The following PCDHA9 variants were observed in gnomAD, a reference collection of about 807,000 sequenced individuals.
PCDHA9 encodes the protein protocadherin alpha-9.
Under a neutral mutation model 62.0 loss-of-function variants are expected in PCDHA9, and 62 were observed. That is an observed-to-expected ratio of 1.00 (90% CI 0.81 to 1.23). The LOEUF (loss-of-function observed/expected upper bound fraction) is 1.23, where lower values mean the gene tolerates loss of function less well. Ranked by LOEUF, PCDHA9 falls within the 50% of genes most tolerant of loss-of-function variation. The pLI, the probability that PCDHA9 is intolerant of heterozygous loss-of-function variation, is 0.00. For synonymous variants in PCDHA9, 557 were observed against 567.6 expected, an observed-to-expected ratio of 0.98 and a Z score of 0.27; for missense variants, 1,205 against 1,249.8, an observed-to-expected ratio of 0.96 and a Z score of 0.54.
At chr5:141,008,426 C>T (rs2098375902) in intron 3 of PCDHA9, among the ~76,000 whole-genome samples, 1 of 152,170 alleles carries the variant, frequency 6.6e-6, no homozygotes, top group Non-Finnish European at 1.5e-5. Flanking sequence ...ACTGGGATCA[C>T]TTTGCCCAGA....
chr5:140,953,340 C>T (rs2094876353), intron 1 of PCDHA9, among the ~76,000 whole-genome samples: 1 of 152,066 alleles, frequency 6.6e-6, no homozygotes, highest in Non-Finnish European at 1.5e-5. Context: ...TAGGGCTCAC[C>T]TTCTTTTGTT....
chr5:140,996,659 T>C (rs2097736809), intron 3 of PCDHA9, among the ~76,000 whole-genome samples: 1 of 152,230 alleles, frequency 6.6e-6, no homozygotes, highest in Non-Finnish European at 1.5e-5. Context: ...GGGTGCAGGC[T>C]AGTTTTTGAA....
At chr5:140,987,211 C>T (rs1190567678) in intron 3 of PCDHA9, among the ~76,000 whole-genome samples, 2 of 145,072 alleles carry the variant, frequency 1.4e-5, no homozygotes, top group Non-Finnish European at 3.0e-5. Flanking sequence ...GAGACTCCAT[C>T]TCAAAAAAAA....
chr5:140,878,342 CAAT>C (rs1416409658), intron 1 of PCDHA9, among the ~76,000 whole-genome samples: 2 of 152,076 alleles, frequency 1.3e-5, no homozygotes, highest in Non-Finnish European at 2.9e-5. Flanking sequence ...GGTATTATCA[CAAT>C]AATATAAATG....
intron 1 of PCDHA9, chr5:140,926,823 G>C (rs1454618329): frequency 6.7e-7 from 1 of 1,496,998 alleles, no homozygotes; most frequent in Non-Finnish European, 8.9e-7. Context: ...TGCTCTCCAG[G>C]AGTCCGGAGC....
intron 3 of PCDHA9, among the ~76,000 whole-genome samples, chr5:141,007,036 A>G (rs1018909399): frequency 4.6e-5 from 7 of 152,200 alleles, no homozygotes; most frequent in African/African-American, 1.4e-4. Context: ...ATTTATATCT[A>G]TGGATATGGC....
intron 1 of PCDHA9, chr5:140,883,909 C>T: frequency 6.2e-7 from 1 of 1,613,472 alleles, no homozygotes; most frequent in Non-Finnish European, 8.5e-7. Flanking sequence ...CTCTGGGCAG[C>T]AACGTGACGC....
At chr5:140,984,339 A>G (rs956761683) in intron 3 of PCDHA9, among the ~76,000 whole-genome samples, 2 of 152,246 alleles carry the variant, frequency 1.3e-5, no homozygotes, top group Non-Finnish European at 2.9e-5. Context: ...AATAGGAACC[A>G]TGTATTGATA....
chr5:140,986,634 A>C (rs1587175680), intron 3 of PCDHA9, among the ~76,000 whole-genome samples: 3 of 152,202 alleles, frequency 2.0e-5, no homozygotes, highest in South Asian at 2.1e-4. Flanking sequence ...GCAACAGTAC[A>C]TTAGTTTTAG....
At chr5:140,852,737 C>CGG in intron 1 of PCDHA9, 1 of 983,808 alleles carries the variant, frequency 1.0e-6, no homozygotes, top group Non-Finnish European at 1.2e-6. Context: ...GTTTCATGTG[C>CGG]CATTTAAACT....
intron 1 of PCDHA9, chr5:140,869,060 T>C (rs1490534322): frequency 2.6e-6 from 4 of 1,556,804 alleles, no homozygotes; most frequent in East Asian, 2.2e-5. Context: ...AATCTGGTAC[T>C]GTAAGTGTAA....
chr5:140,969,509 C>T (rs1554231905), intron 1 of PCDHA9: 1 of 1,416,140 alleles, frequency 7.1e-7, no homozygotes, highest in Non-Finnish European at 9.4e-7. Context: ...AAAAATAGCA[C>T]TAAAGAATTG....
chr5:140,861,316 C>T (rs1554154495), intron 1 of PCDHA9: 4 of 215,598 alleles, frequency 1.9e-5, no homozygotes, highest in African/African-American at 9.3e-5. Context: ...AGGACCAGTT[C>T]CACTACACCA....
At chr5:140,920,501 A>G (rs1404369467) in intron 1 of PCDHA9, among the ~76,000 whole-genome samples, 1 of 152,194 alleles carries the variant, frequency 6.6e-6, no homozygotes, top group Non-Finnish European at 1.5e-5. Context: ...AGAGTTCTAC[A>G]TACTGTTTTA....
chr5:140,913,107 CA>C (rs2076210472), intron 1 of PCDHA9, among the ~76,000 whole-genome samples: 1 of 152,078 alleles, frequency 6.6e-6, no homozygotes, highest in South Asian at 2.1e-4. Context: ...CTCATAGAAT[CA>C]GTTTGGAAGT....
intron 3 of PCDHA9, among the ~76,000 whole-genome samples, chr5:140,999,978 G>A (rs980753359): frequency 5.9e-5 from 9 of 151,942 alleles, no homozygotes; most frequent in South Asian, 2.1e-4. Flanking sequence ...CAGCTCTAGC[G>A]GCCTCTGGGT....
chr5:140,928,149 T>C, intron 1 of PCDHA9: 2 of 1,614,194 alleles, frequency 1.2e-6, no homozygotes, highest in Non-Finnish European at 8.5e-7. Flanking sequence ...CGGCCTCAGA[T>C]AGTGGCTCAC....
intron 1 of PCDHA9, among the ~76,000 whole-genome samples, chr5:140,890,937 A>G (rs2153432428): frequency 6.6e-6 from 1 of 152,254 alleles, no homozygotes; most frequent in South Asian, 2.1e-4. Flanking sequence ...TAGTCCAAAG[A>G]TGCTGGTGAG....
intron 1 of PCDHA9, chr5:140,930,181 T>C (rs1170637205): frequency 2.0e-5 from 3 of 152,216 alleles, no homozygotes; most frequent in African/African-American, 7.2e-5. Flanking sequence ...AGAGGAAAGA[T>C]GAGTAATTTT....
Sources: gnomAD v4.1 joint callset for allele counts (sites outside exome capture counted in the v4.1 genomes callset) on GRCh38, gnomAD v4.1.1 for gene constraint, MANE v1.5 for transcripts, NCBI Gene and HGNC (gene_info 2026-07-23, HGNC 2026-07-21) for gene names.